LRMDA: variants seen among roughly 807,000 people sequenced by gnomAD.
LRMDA encodes leucine-rich melanocyte differentiation-associated protein.
Under a neutral mutation model 29.8 loss-of-function variants are expected in LRMDA, and 18 were observed. The ratio of observed to expected loss-of-function variants is 0.60; its 90% CI spans 0.42 to 0.90. The LOEUF (loss-of-function observed/expected upper bound fraction) is 0.90. Ranked by LOEUF, LRMDA falls within the 40% of genes least tolerant of loss-of-function variation. LRMDA has a pLI of 0.00. For synonymous variants in LRMDA, 125 were observed against 109.4 expected, an observed-to-expected ratio of 1.14 and a Z score of -0.89; for missense variants, 273 against 273.9, an observed-to-expected ratio of 1.00 and a Z score of 0.02.
At chr10:76,367,498 C>T (rs1841404763) in intron 6 of LRMDA, among the ~76,000 whole-genome samples, 1 of 151,788 alleles carries the variant, frequency 6.6e-6, no homozygotes, top group Non-Finnish European at 1.5e-5. Context: ...GATCTCAGCT[C>T]ACCGTAACCT....
intron 2 of LRMDA, among the ~76,000 whole-genome samples, chr10:75,771,339 A>G (rs1021389662): frequency 2.0e-5 from 3 of 151,750 alleles, no homozygotes; most frequent in Admixed American, 6.6e-5. Flanking sequence ...CCTACTAAGT[A>G]TATGTAGATT....
At chr10:75,441,506 G>C (rs185966581) in intron 2 of LRMDA, among the ~76,000 whole-genome samples, 1 of 152,320 alleles carries the variant, frequency 6.6e-6, no homozygotes, top group East Asian at 1.9e-4. Flanking sequence ...CACAGCAGGA[G>C]ATAAGGTTGA....
chr10:76,342,104 T>C (rs965830742), intron 6 of LRMDA, among the ~76,000 whole-genome samples: 1 of 152,046 alleles, frequency 6.6e-6, no homozygotes. Flanking sequence ...ACAAACAAAA[T>C]TTCAATAAAT....
chr10:76,205,011 ATAATAAG>A (rs921839854), intron 5 of LRMDA, among the ~76,000 whole-genome samples: 1 of 152,212 alleles, frequency 6.6e-6, no homozygotes, highest in African/African-American at 2.4e-5. Flanking sequence ...AGGGCCCCAC[ATAATAAG>A]TAGTCATTTT....
At chr10:76,177,863 G>T (rs1850969802) in intron 5 of LRMDA, among the ~76,000 whole-genome samples, 1 of 152,216 alleles carries the variant, frequency 6.6e-6, no homozygotes, top group African/African-American at 2.4e-5. Flanking sequence ...TTTTCCAGAT[G>T]AGAAAACTGA....
In LRMDA at chr10:76,077,992, A is replaced by ATTTTTTT. The variant is rs756023731; in HGVS notation, c.516+19239_516+19245dup. On this transcript the variant is annotated intron_variant, in intron 5 of 6. Transcript: ENST00000611255. The stretch of plus-strand genomic sequence containing the variant: ...TCCTACCCCTAACTGCAATATTAAC[A>ATTTTTTT]TTTTTTTTTTTTTTTTTTTTTTTTT... Among the ~76,000 whole-genome samples the ATTTTTTT allele has an allele frequency of 2.7e-4, 13 of 48,082 alleles. 3 individuals carry two copies. Among genetic ancestry groups the ATTTTTTT allele is most frequent in the East Asian group, 1.2e-3 (2 of 1,628 alleles). 31.5% of individuals were successfully genotyped at this position (48,082 alleles called of 152,430 possible). A position where few individuals can be genotyped will look rare whatever the true frequency, so the allele number is the denominator to read the frequency against.
intron 5 of LRMDA, among the ~76,000 whole-genome samples, chr10:76,221,375 A>G (rs1290096530): frequency 6.6e-6 from 1 of 152,254 alleles, no homozygotes; most frequent in Non-Finnish European, 1.5e-5. Flanking sequence ...AGAAAACCCC[A>G]TTGTCTCAGC....
At chr10:76,289,339 G>A (rs1262282576) in intron 5 of LRMDA, among the ~76,000 whole-genome samples, 2 of 152,146 alleles carry the variant, frequency 1.3e-5, no homozygotes, top group African/African-American at 4.8e-5. Context: ...AGTTGTACCT[G>A]CCAAATCATC....
chr10:75,506,176 G>T (rs1245642408), intron 2 of LRMDA, among the ~76,000 whole-genome samples: 1 of 152,104 alleles, frequency 6.6e-6, no homozygotes, highest in Non-Finnish European at 1.5e-5. Flanking sequence ...TTACCTTTCT[G>T]ATTACAACCA....
chr10:76,385,521 T>C (rs958875811), intron 6 of LRMDA, among the ~76,000 whole-genome samples: 4 of 152,152 alleles, frequency 2.6e-5, no homozygotes, highest in Admixed American at 1.3e-4. Flanking sequence ...ATTATTCTGG[T>C]TTTTCAAAAT....
At chr10:76,040,991 G>A (rs1450035894) in intron 3 of LRMDA, among the ~76,000 whole-genome samples, 1 of 152,220 alleles carries the variant, frequency 6.6e-6, no homozygotes, top group East Asian at 1.9e-4. Context: ...GCCATTTGCT[G>A]TGTCATCTTA....
At chr10:76,451,875 T>A (rs1388491665) in intron 6 of LRMDA, among the ~76,000 whole-genome samples, 2 of 151,850 alleles carry the variant, frequency 1.3e-5, no homozygotes, top group African/African-American at 4.8e-5. Context: ...CAGGCTGGTC[T>A]CGATCTCCCG....
chr10:76,189,312 G>A (rs201258229), intron 5 of LRMDA, among the ~76,000 whole-genome samples: 2 of 152,124 alleles, frequency 1.3e-5, no homozygotes, highest in East Asian at 3.9e-4. Context: ...AGCTAAGATT[G>A]TGCGACTGCA....
At chr10:76,042,489 G>A (rs1166795685) in intron 3 of LRMDA, among the ~76,000 whole-genome samples, 2 of 152,178 alleles carry the variant, frequency 1.3e-5, no homozygotes. Context: ...TTTGGGGAGT[G>A]TGAAACCTCT....
chr10:75,437,292 G>C (rs146387557), intron 1 of LRMDA, among the ~76,000 whole-genome samples: 17 of 152,316 alleles, frequency 1.1e-4, no homozygotes, highest in African/African-American at 4.1e-4. Context: ...GGCCACCATA[G>C]TCTTGTTTCC....
chr10:75,846,654 C>G (rs552454355), intron 2 of LRMDA, among the ~76,000 whole-genome samples: 1 of 152,086 alleles, frequency 6.6e-6, no homozygotes, highest in South Asian at 2.1e-4. Flanking sequence ...ATGTGCAAAG[C>G]ACCATATTAA....
intron 2 of LRMDA, among the ~76,000 whole-genome samples, chr10:75,491,673 A>G (rs1844989385): frequency 6.6e-6 from 1 of 152,112 alleles, no homozygotes; most frequent in African/African-American, 2.4e-5. Context: ...AGAAACATAG[A>G]CACTTTCTCT....
At chr10:75,783,063 C>T in intron 2 of LRMDA, 3 of 1,612,152 alleles carry the variant, frequency 1.9e-6, no homozygotes, top group Non-Finnish European at 2.5e-6. Context: ...TCGGTCTTTT[C>T]TGTCAGCAGT....
chr10:75,982,582 G>A (rs895275187), intron 2 of LRMDA, among the ~76,000 whole-genome samples: 1 of 152,176 alleles, frequency 6.6e-6, no homozygotes, highest in African/African-American at 2.4e-5. Flanking sequence ...ACTAGATTCT[G>A]TAAAGCAAGC....
Sources: allele counts gnomAD v4.1 joint callset (sites outside exome capture counted in the v4.1 genomes callset), GRCh38; gene constraint gnomAD v4.1.1; transcripts MANE v1.5; gene names NCBI Gene and HGNC (gene_info 2026-07-23, HGNC 2026-07-21).